CREBBP: variants seen among roughly 807,000 people sequenced by gnomAD.
The protein encoded by CREBBP is CREB-binding protein.
A neutral mutation model predicts 265.0 loss-of-function variants in CREBBP; 19 were observed. The observed-to-expected ratio is 0.07, with a 90% confidence interval of 0.05 to 0.11. CREBBP has a LOEUF of 0.11. CREBBP is among the 10% of genes least tolerant of loss of function. The pLI, the probability that CREBBP is intolerant of heterozygous loss-of-function variation, is 1.00. For missense variants in CREBBP, 2,525 were observed against 3,219.0 expected (o/e 0.78, Z 5.22); for synonymous variants, 1,457 against 1,223.7 (o/e 1.19, Z -3.98).
chr16:3,833,948 T>TA (rs768717822), intron 2 of CREBBP, among the ~76,000 whole-genome samples: 5 of 152,140 alleles, frequency 3.3e-5, no homozygotes, highest in Non-Finnish European at 7.3e-5. Context: ...ACAACCTGTT[T>TA]AAAAAATGGG....
chr16:3,731,646 G>C lies in CREBBP; in HGVS notation c.4890+130C>G. Reference sequence around the variant, plus strand: ...ACACGTTGCATGATGTCACCCAACTGGTCCACTTGGTTTCCTGGGGGCCAC... The same window carrying C: ...ACACGTTGCATGATGTCACCCAACTCGTCCACTTGGTTTCCTGGGGGCCAC... On this transcript the variant is annotated intron_variant, in intron 29 of 30. Transcript: ENST00000262367. This position sits in a 1 kb window ranked among gnomAD's most constrained non-coding sequence, Gnocchi z 7.7. 2 of 1,436,068 alleles carry C rather than the reference G, an allele frequency of 1.4e-6. No homozygotes were observed. The highest frequency in any genetic ancestry group is 2.0e-6 in the Non-Finnish European group (2 of 1,024,814). 89.0% of individuals were successfully genotyped at this position (1,436,068 alleles called of 1,614,324 possible).
intron 2 of CREBBP, among the ~76,000 whole-genome samples, chr16:3,849,430 T>TGTGTGTGAGTGATGTGCGTGACC (rs2054752203): frequency 1.2e-4 from 1 of 8,576 alleles, no homozygotes; most frequent in African/African-American, 1.5e-4. Flanking sequence ...TGTGTGTGTG[T>TGTGTGTGAGTGATGTGCGTGACC]GTGTGTGTGT....
chr16:3,836,652 A>G (rs1359962993), intron 2 of CREBBP, among the ~76,000 whole-genome samples: 1 of 152,090 alleles, frequency 6.6e-6, no homozygotes, highest in East Asian at 1.9e-4. Context: ...AAAAATAATC[A>G]AAGTAAAATA....
At position 3,780,762 on chromosome 16, in the gene CREBBP, T is replaced by C; in HGVS notation, c.1793A>G (p.Gln598Arg). 1 of 1,614,138 alleles carries C rather than the reference T, an allele frequency of 6.2e-7. No individual in the cohort carries two copies. Among genetic ancestry groups the C allele is most frequent in the Non-Finnish European group, 8.5e-7 (1 of 1,180,042 alleles). ...ATGCACTAGATGGCTCCGCAGGTCC[T>C]GAGTGACATGTTCGTGCCAGCCTTT... ...VRKGWHEHVT[Q>R]DLRSHLVHKL... Residue 598 changes from glutamine to arginine, a missense_variant, in exon 8 of 31, where the codon CAG becomes CGG. This residue lies in a region of CREBBP where 144 missense variants were observed against 134.0 expected (regional missense o/e 1.07). Transcript: ENST00000262367.
chr16:3,735,586 C>T (rs1046872266), intron 28 of CREBBP, among the ~76,000 whole-genome samples: 9 of 152,118 alleles, frequency 5.9e-5, no homozygotes, highest in Admixed American at 3.9e-4. Flanking sequence ...TGAGCCACCG[C>T]GCCTGGCCAG....
intron 1 of CREBBP, among the ~76,000 whole-genome samples, chr16:3,875,279 T>C (rs1410281884): frequency 6.6e-6 from 1 of 152,180 alleles, no homozygotes; most frequent in African/African-American, 2.4e-5. Context: ...CTGACGACCT[T>C]TGAATGGGGC....
chr16:3,875,835 A>G (rs1490919812), intron 1 of CREBBP, among the ~76,000 whole-genome samples: 1 of 152,178 alleles, frequency 6.6e-6, no homozygotes, highest in Non-Finnish European at 1.5e-5. Flanking sequence ...TGACGTGGAG[A>G]AAAGCACTCT....
chr16:3,735,722 C>T (rs1404133351), intron 28 of CREBBP, among the ~76,000 whole-genome samples: 1 of 152,176 alleles, frequency 6.6e-6, no homozygotes, highest in Admixed American at 6.5e-5. Context: ...GGCCTGGCAA[C>T]CCTGTGCCTC....
chr16:3,814,037 T>C (rs372437587), intron 2 of CREBBP, among the ~76,000 whole-genome samples: 3 of 152,200 alleles, frequency 2.0e-5, no homozygotes, highest in East Asian at 3.8e-4. Context: ...GAAAGTTTAT[T>C]TCCAAAACTT....
intron 11 of CREBBP, among the ~76,000 whole-genome samples, chr16:3,777,361 A>C (rs2053167591): frequency 6.6e-6 from 1 of 150,532 alleles, no homozygotes; most frequent in Admixed American, 6.6e-5. Context: ...AATAAAATAA[A>C]ATAGAAATAA....
rs886485528 is a variant in CREBBP, at chr16:3,792,163, T to C, written c.1217-69A>G. On this transcript the variant is annotated intron_variant, in intron 4 of 30. Coordinates refer to ENST00000262367, the MANE Select transcript of CREBBP (RefSeq NM_004380.3). ...CGTCACACTTTCAATTATACCTAAA[T>C]TATAATGCCAGATTCCATAAGAAAA... 2.5e-6 allele frequency: 3 copies of C among 1,216,230 alleles called. No homozygotes were observed. In the African/African-American group the frequency reaches 4.5e-5, roughly 18 times the overall value. 75.3% of individuals were successfully genotyped at this position (1,216,230 alleles called of 1,614,324 possible).
intron 3 of CREBBP, among the ~76,000 whole-genome samples, chr16:3,807,216 T>C (rs1416717055): frequency 2.6e-5 from 4 of 152,054 alleles, no homozygotes; most frequent in African/African-American, 4.8e-5. Flanking sequence ...TGCTACCCAG[T>C]GTTGGACTCC....
At chr16:3,735,987 C>T (rs1223991576) in intron 28 of CREBBP, 49 bp downstream of exon 28, 29 of 1,613,994 alleles carry the variant, frequency 1.8e-5, no homozygotes, top group Non-Finnish European at 2.3e-5. Flanking sequence ...TGCCACCCTG[C>T]AGCTCCAGCG....
chr16:3,776,105 C>T (rs1399932466), intron 11 of CREBBP, among the ~76,000 whole-genome samples: 1 of 151,860 alleles, frequency 6.6e-6, no homozygotes, highest in East Asian at 1.9e-4. Flanking sequence ...TTAATAGAGA[C>T]GGGGGTTTCA....
intron 1 of CREBBP, among the ~76,000 whole-genome samples, chr16:3,857,835 C>G (rs1170386784): frequency 2.0e-5 from 3 of 152,238 alleles, no homozygotes; most frequent in Non-Finnish European, 4.4e-5. Context: ...CAGGAGGCTA[C>G]CCCTTTCATT....
At chr16:3,849,428 T>TGTGTGTG (rs1567360148) in intron 2 of CREBBP, among the ~76,000 whole-genome samples, 14 of 7,942 alleles carry the variant, frequency 1.8e-3, no homozygotes, top group Admixed American at 8.7e-3. Context: ...TGTGTGTGTG[T>TGTGTGTG]GTGTGTGTGT....
intron 19 of CREBBP, among the ~76,000 whole-genome samples, chr16:3,755,989 A>G (rs129964): frequency 0.09 from 13,698 of 152,086 alleles, 1,534 homozygotes; most frequent in African/African-American, 0.26. Context: ...TAAAAATAGG[A>G]TTTTGATGGG....
intron 2 of CREBBP, among the ~76,000 whole-genome samples, chr16:3,829,516 A>G (rs1218134959): frequency 1.3e-5 from 2 of 152,248 alleles, no homozygotes; most frequent in Non-Finnish European, 2.9e-5. Flanking sequence ...CAGAGGTGGC[A>G]CAGTGCTAGA....
rs2053257523 is a variant in CREBBP, at chr16:3,780,843, A to G, written c.1712T>C (p.Ile571Thr). The G allele has an allele frequency of 8.1e-6, 13 of 1,613,720 alleles. No individual in the cohort carries two copies. The highest frequency in any genetic ancestry group is 1.0e-5 in the Non-Finnish European group (12 of 1,180,004). The change falls in exon 8 of 31, where the codon ATT becomes ACT. Residue 571 changes from isoleucine to threonine, a missense_variant. Around this residue, in one of 19 missense-constraint regions of CREBBP, gnomAD observed 144 missense variants for 134.0 expected, o/e 1.07. Transcript: ENST00000262367. ...LMNDGSNSGN[I>T]GTLSTIPTAA... Reference sequence around the variant, plus strand: ...TGTTGGTATAGTGCTGAGGGTTCCAATGTTACCAGAGTTGGAGCCATCGTT... The same window carrying G: ...TGTTGGTATAGTGCTGAGGGTTCCAGTGTTACCAGAGTTGGAGCCATCGTT...
Sources: gnomAD v4.1 joint callset for allele counts (sites outside exome capture counted in the v4.1 genomes callset) on GRCh38, gnomAD v4.1.1 for gene constraint, gnomAD v4.1.1 regional missense constraint, Gnocchi (gnomAD v3.1) non-coding constraint, MANE v1.5 for transcripts, NCBI Gene and HGNC (gene_info 2026-07-23, HGNC 2026-07-21) for gene names.